ZFHX3: variants seen among roughly 807,000 people sequenced by gnomAD.
ZFHX3 encodes zinc finger homeobox protein 3.
ZFHX3 carries 42 observed loss-of-function variants against 279.1 expected under a neutral mutation model. The observed-to-expected ratio is 0.15, with a 90% CI of 0.12 to 0.19. ZFHX3 has a LOEUF of 0.19. Among genes scored for constraint, ZFHX3 ranks in the 10% least tolerant of loss-of-function variants. The pLI is 1.00. For synonymous variants in ZFHX3, 2,293 were observed against 1,957.8 expected, an observed-to-expected ratio of 1.17 and a Z score of -4.52; for missense variants, 4,981 against 4,754.0, an observed-to-expected ratio of 1.05 and a Z score of -1.40.
chr16:73,851,567 T>C (rs995286202), intron 1 of ZFHX3, among the ~76,000 whole-genome samples: 1 of 152,338 alleles, frequency 6.6e-6, no homozygotes, highest in East Asian at 1.9e-4. Context: ...AACTCACGTA[T>C]AAAAATTGCA....
At chr16:73,448,589 T>G (rs1387368758) in intron 3 of ZFHX3, among the ~76,000 whole-genome samples, 1 of 150,774 alleles carries the variant, frequency 6.6e-6, no homozygotes, top group Non-Finnish European at 1.5e-5. Context: ...AAAAAGAAAA[T>G]AATAGATGTT....
At chr16:73,704,655 G>C (rs1036007525) in intron 1 of ZFHX3, among the ~76,000 whole-genome samples, 3 of 152,164 alleles carry the variant, frequency 2.0e-5, no homozygotes, top group African/African-American at 7.2e-5. Context: ...AGCAGATCTA[G>C]GAACAAGGAC....
At chr16:73,110,138 A>T (rs7206609) in intron 7 of ZFHX3, among the ~76,000 whole-genome samples, 1,952 of 151,594 alleles carry the variant, frequency 0.013, 40 homozygotes, top group African/African-American at 0.045. Flanking sequence ...TGGGAGGTGG[A>T]GCTTGCAGTG....
chr16:73,854,557 A>G (rs1049095697), intron 1 of ZFHX3, among the ~76,000 whole-genome samples: 1 of 152,068 alleles, frequency 6.6e-6, no homozygotes, highest in African/African-American at 2.4e-5. Flanking sequence ...TTTATTTTAG[A>G]TGGAAAATAA....
chr16:73,770,222 A>G (rs1012377034), intron 1 of ZFHX3, among the ~76,000 whole-genome samples: 1 of 152,252 alleles, frequency 6.6e-6, no homozygotes, highest in Non-Finnish European at 1.5e-5. Flanking sequence ...AATCAGAGTC[A>G]GAGTGATGTA....
chr16:73,837,724 C>T (rs1197213537), intron 1 of ZFHX3, among the ~76,000 whole-genome samples: 1 of 152,164 alleles, frequency 6.6e-6, no homozygotes, highest in Non-Finnish European at 1.5e-5. Context: ...CCACAACATC[C>T]TTTCCGCGTT....
chr16:72,901,869 T>C (rs1293860393), intron 3 of ZFHX3, among the ~76,000 whole-genome samples: 1 of 152,148 alleles, frequency 6.6e-6, no homozygotes, highest in Non-Finnish European at 1.5e-5. Flanking sequence ...CCCCCATAAA[T>C]AACCCAGACA....
intron 7 of ZFHX3, among the ~76,000 whole-genome samples, chr16:72,804,158 G>A (rs998783851): frequency 2.0e-5 from 3 of 152,176 alleles, no homozygotes; most frequent in African/African-American, 4.8e-5. Context: ...AAACAGAAGC[G>A]TTCCACATTG....
intron 4 of ZFHX3, among the ~76,000 whole-genome samples, chr16:72,849,213 T>TGAG (rs1187898785): frequency 6.6e-6 from 1 of 152,108 alleles, no homozygotes. Flanking sequence ...GGGACTGGAA[T>TGAG]GACCCGGGAA....
At chr16:73,824,400 GT>G (rs1163569387) in intron 1 of ZFHX3, among the ~76,000 whole-genome samples, 8,775 of 125,626 alleles carry the variant, frequency 0.07, 556 homozygotes, top group African/African-American at 0.23. Flanking sequence ...TTTTTTTAAT[GT>G]TTTTTTTTTT....
At chr16:73,594,741 G>A (rs1315805401) in intron 2 of ZFHX3, among the ~76,000 whole-genome samples, 1 of 152,176 alleles carries the variant, frequency 6.6e-6, no homozygotes, top group South Asian at 2.1e-4. Flanking sequence ...ATTGGCATGC[G>A]ATATTTTATC....
At chr16:72,865,853 T>C (rs1432163526) in intron 4 of ZFHX3, among the ~76,000 whole-genome samples, 3 of 152,058 alleles carry the variant, frequency 2.0e-5, no homozygotes, top group Admixed American at 1.3e-4. Context: ...TCATGCTCCT[T>C]TGAGGCATGA....
At chr16:72,990,267 G>A (rs1211638032) in intron 1 of ZFHX3, among the ~76,000 whole-genome samples, 1 of 152,298 alleles carries the variant, frequency 6.6e-6, no homozygotes, top group South Asian at 2.1e-4. Flanking sequence ...ACGACACGGC[G>A]TTCTCCCAGG....
intron 1 of ZFHX3, among the ~76,000 whole-genome samples, chr16:73,838,665 T>C (rs967956620): frequency 6.6e-6 from 1 of 152,134 alleles, no homozygotes; most frequent in Non-Finnish European, 1.5e-5. Flanking sequence ...TTTCTATACA[T>C]CAAGCTGTAC....
intron 3 of ZFHX3, among the ~76,000 whole-genome samples, chr16:72,947,880 G>T (rs1267600063): frequency 6.6e-6 from 1 of 152,190 alleles, no homozygotes. Flanking sequence ...GATTACATTA[G>T]CAAGAGGAAA....
intron 3 of ZFHX3, chr16:73,455,903 T>C (rs2018363207): frequency 6.6e-6 from 1 of 152,056 alleles, no homozygotes; most frequent in South Asian, 2.1e-4. Flanking sequence ...TGCACTACTA[T>C]CCAGGTGCTG....
intron 2 of ZFHX3, among the ~76,000 whole-genome samples, chr16:73,677,926 A>T (rs1422487648): frequency 6.6e-6 from 1 of 152,072 alleles, no homozygotes; most frequent in Non-Finnish European, 1.5e-5. Flanking sequence ...ATAAATAGAG[A>T]CACTCTATGT....
chr16:73,562,570 T>C (rs988653078), intron 2 of ZFHX3, among the ~76,000 whole-genome samples: 8 of 124,684 alleles, frequency 6.4e-5, no homozygotes, highest in Non-Finnish European at 1.3e-4. Context: ...AACTCCAGCC[T>C]GGGCGACAGA....
At chr16:73,549,916 C>G (rs1265748292) in intron 2 of ZFHX3, among the ~76,000 whole-genome samples, 1 of 151,082 alleles carries the variant, frequency 6.6e-6, no homozygotes, top group African/African-American at 2.4e-5. Flanking sequence ...AAGCTGGAAT[C>G]TAAGGCTCTA....
Sources: gnomAD v4.1 joint callset for allele counts (sites outside exome capture counted in the v4.1 genomes callset) on GRCh38, gnomAD v4.1.1 for gene constraint, MANE v1.5 for transcripts, NCBI Gene and HGNC (gene_info 2026-07-23, HGNC 2026-07-21) for gene names.